Variants in TPO observed in about 807,000 individuals in gnomAD.
TPO encodes thyroid peroxidase.
Under a neutral mutation model 96.9 loss-of-function variants are expected in TPO, and 78 were observed. The ratio of observed to expected loss-of-function variants is 0.81; its 90% CI spans 0.67 to 0.97. TPO has a LOEUF of 0.97. Ranked by LOEUF, TPO falls within the 50% of genes least tolerant of loss-of-function variation. The pLI is 0.00. For synonymous variants in TPO, 547 were observed against 538.0 expected, an observed-to-expected ratio of 1.02 and a Z score of -0.23; for missense variants, 1,252 against 1,274.8, an observed-to-expected ratio of 0.98 and a Z score of 0.27.
intron 3 of TPO, among the ~76,000 whole-genome samples, chr2:1,425,732 A>G (rs1464400352): frequency 3.0e-4 from 36 of 120,582 alleles, no homozygotes; most frequent in Middle Eastern, 6.4e-3. Flanking sequence ...AGAAGTCTGT[A>G]CTCCTTCTGT....
rs754623032 is a variant in TPO at position 1,436,231 on chromosome 2, A to T, written c.350-21A>T. On this transcript the variant is annotated intron_variant, in intron 4 of 16. Transcript: ENST00000329066. ...ATTTGTGGTTACAAGCACAGAATTCATGGTTTCCTATTTTTCACAGATGCT... is the reference window on the plus strand; with the variant it reads ...ATTTGTGGTTACAAGCACAGAATTCTTGGTTTCCTATTTTTCACAGATGCT... 3.1e-6 allele frequency: 5 copies of T among 1,614,072 alleles called. No homozygotes were observed. In the African/African-American group the frequency reaches 6.7e-5, roughly 22 times the overall value.
intron 9 of TPO, among the ~76,000 whole-genome samples, chr2:1,485,059 A>ATCCCCCCCCC (rs1671012652): frequency 6.8e-6 from 1 of 147,748 alleles, no homozygotes; most frequent in African/African-American, 2.5e-5. Flanking sequence ...CCTCCCCCTG[A>ATCCCCCCCCC]CCCCCACCCC....
intron 14 of TPO, among the ~76,000 whole-genome samples, chr2:1,511,684 G>A (rs1558386300): frequency 6.6e-6 from 1 of 152,204 alleles, no homozygotes; most frequent in Non-Finnish European, 1.5e-5. Flanking sequence ...CCCTCTGTGT[G>A]TCCATGGCCT....
intron 9 of TPO, among the ~76,000 whole-genome samples, chr2:1,485,948 T>C (rs1246773897): frequency 2.0e-5 from 3 of 152,242 alleles, no homozygotes; most frequent in African/African-American, 7.2e-5. Context: ...CCATTGCTTT[T>C]GGTGTTTTAG....
intron 5 of TPO, among the ~76,000 whole-genome samples, chr2:1,443,362 A>G (rs1238226407): frequency 1.3e-5 from 2 of 151,048 alleles, no homozygotes; most frequent in Non-Finnish European, 3.0e-5. Context: ...GTTGGAAGGG[A>G]ATGGGGCAGG....
chr2:1,477,242 G>A lies in TPO; in HGVS notation c.976G>A (p.Ala326Thr), dbSNP rs371367459. ...GAACGGGTTGACCTCGTTCCTGGAC[G>A]CGTCCACCGTGTATGGCAGCTCCCC... ...QMNGLTSFLD[A>T]STVYGSSPAL... Residue 326 changes from alanine (A) to threonine (T), a missense_variant, in exon 8 of 17, where the codon GCG becomes ACG. Physicochemically the swap from Ala to Thr is moderately conservative, Grantham distance 58. Coordinates refer to ENST00000329066, the MANE Select transcript of TPO (RefSeq NM_001206744.2). The A allele has an allele frequency of 5.2e-5, 84 of 1,608,272 alleles. No individual in the cohort carries two copies. Among genetic ancestry groups the A allele is most frequent in the Non-Finnish European group, 6.9e-5 (81 of 1,178,438 alleles).
At chr2:1,497,791 G>A (rs1672504098) in intron 13 of TPO, among the ~76,000 whole-genome samples, 1 of 152,150 alleles carries the variant, frequency 6.6e-6, no homozygotes, top group Non-Finnish European at 1.5e-5. Context: ...CTAGACCGCA[G>A]AAGAAAGAGA....
intron 8 of TPO, chr2:1,478,405 G>A (rs1670194256): frequency 1.0e-6 from 1 of 984,486 alleles, no homozygotes; most frequent in Non-Finnish European, 1.2e-6. Context: ...AGCCTGCAGG[G>A]AGGTGCGCGT....
chr2:1,518,904 C>A (rs1469044532), intron 15 of TPO, among the ~76,000 whole-genome samples: 1 of 152,194 alleles, frequency 6.6e-6, no homozygotes, highest in Non-Finnish European at 1.5e-5. Flanking sequence ...GAACTAAGGT[C>A]TCTGCAGGTG....
At chr2:1,450,198 C>T (rs756750134) in intron 5 of TPO, among the ~76,000 whole-genome samples, 10 of 152,250 alleles carry the variant, frequency 6.6e-5, no homozygotes, top group Non-Finnish European at 1.5e-4. Flanking sequence ...ACATCTCTGG[C>T]ACTCAGCGTG....
chr2:1,525,326 A>T (rs1558407083), intron 15 of TPO, among the ~76,000 whole-genome samples: 1 of 51,804 alleles, frequency 1.9e-5, no homozygotes, highest in African/African-American at 8.2e-5. Flanking sequence ...GTGCCTCCTC[A>T]AATCCCCTCA....
At chr2:1,428,388 G>T (rs1664643220) in intron 3 of TPO, among the ~76,000 whole-genome samples, 1 of 152,228 alleles carries the variant, frequency 6.6e-6, no homozygotes, top group African/African-American at 2.4e-5. Context: ...GACATGACGG[G>T]AAAGTGACCA....
chr2:1,446,371 C>G (rs559434233), intron 5 of TPO, among the ~76,000 whole-genome samples: 244 of 152,302 alleles, frequency 1.6e-3, no homozygotes, highest in Non-Finnish European at 3.0e-3. Flanking sequence ...ATGGGCGCCT[C>G]TCTGCTGAGC....
chr2:1,535,642 T>A (rs1423226319), intron 15 of TPO, among the ~76,000 whole-genome samples: 3 of 77,856 alleles, frequency 3.9e-5, no homozygotes, highest in Admixed American at 3.6e-4. Context: ...CCTCCCTCGC[T>A]GTGTGCAACC....
At chr2:1,402,895 G>A (rs945271011) in intron 1 of TPO, among the ~76,000 whole-genome samples, 5 of 152,172 alleles carry the variant, frequency 3.3e-5, no homozygotes, top group African/African-American at 4.8e-5. Context: ...GCGCCAGTTT[G>A]TTTCTCCAGA....
intron 7 of TPO, among the ~76,000 whole-genome samples, chr2:1,464,166 A>G (rs937436126): frequency 6.6e-6 from 1 of 152,122 alleles, no homozygotes; most frequent in Non-Finnish European, 1.5e-5. Context: ...TCAATTCTTG[A>G]GTTACTTCAC....
At position 1,456,171 on chromosome 2, in the gene TPO, C is replaced by T. The variant is rs1486270681; in HGVS notation, c.708C>T (p.Tyr236=). Residue 236 remains tyrosine, a synonymous_variant, in exon 7 of 17, where the codon TAC becomes TAT. Coordinates refer to ENST00000329066, the MANE Select transcript of TPO (RefSeq NM_001206744.2). ...YSDLLMAWGQ[Y]IDHDIAFTPQ... The stretch of plus-strand genomic sequence containing the variant: ...ACCTCCTGATGGCATGGGGACAATA[C>T]ATCGACCACGACATCGCGTTCACAC... 2.5e-6 allele frequency: 4 copies of T among 1,614,088 alleles called. No homozygotes were observed. Among genetic ancestry groups the T allele is most frequent in the Admixed American group, 3.3e-5 (2 of 60,030 alleles).
intron 13 of TPO, among the ~76,000 whole-genome samples, chr2:1,501,563 T>C (rs1219335178): frequency 6.6e-6 from 1 of 152,184 alleles, no homozygotes. Context: ...TCTAGCCCCG[T>C]GTACCTCTGC....
At position 1,496,646 on chromosome 2, in the gene TPO, G is replaced by C; in HGVS notation, c.2267G>C (p.Cys756Ser). Residue 756 changes from cysteine to serine, a missense_variant, in exon 13 of 17, where the codon TGT (cysteine) becomes TCT (serine). Physicochemically the swap from Cys to Ser is moderately radical, Grantham distance 112. Transcript: ENST00000329066. The stretch of plus-strand genomic sequence containing the variant: ...GTGGAGAATGGGGACTTTGTGCACT[G>C]TGAGGAGTCTGGGAGGCGCGTGCTG... ...ESVENGDFVH[C>S]EESGRRVLVY... The C allele has an allele frequency of 6.2e-6, 10 of 1,614,006 alleles. No homozygotes were observed. The highest frequency in any genetic ancestry group is 8.5e-6 in the Non-Finnish European group (10 of 1,180,000).
Sources: allele counts gnomAD v4.1 joint callset (sites outside exome capture counted in the v4.1 genomes callset), GRCh38; gene constraint gnomAD v4.1.1; transcripts MANE v1.5; gene names NCBI Gene and HGNC (gene_info 2026-07-23, HGNC 2026-07-21).